Variants in VCAN observed in about 807,000 individuals in gnomAD.
The protein encoded by VCAN is versican core protein.
Under a neutral mutation model 245.5 loss-of-function variants are expected in VCAN, and 44 were observed. That is an observed-to-expected ratio of 0.18 (90% CI 0.14 to 0.23). The LOEUF (loss-of-function observed/expected upper bound fraction) is 0.23. Among genes scored for constraint, VCAN ranks in the 10% least tolerant of loss-of-function variants. The pLI, the probability that VCAN is intolerant of heterozygous loss-of-function variation, is 1.00. For missense variants in VCAN, 3,793 were observed against 4,057.9 expected (o/e 0.93, Z 1.77); for synonymous variants, 1,413 against 1,437.0 (o/e 0.98, Z 0.38).
At chr5:83,507,518 G>A (rs1745518244) in intron 5 of VCAN, among the ~76,000 whole-genome samples, 1 of 152,142 alleles carries the variant, frequency 6.6e-6, no homozygotes, top group African/African-American at 2.4e-5. Flanking sequence ...TACACAGTTG[G>A]GCCAATTAAA....
At chr5:83,574,063 GAA>G (rs1238225795) in intron 13 of VCAN, among the ~76,000 whole-genome samples, 9 of 152,148 alleles carry the variant, frequency 5.9e-5, no homozygotes, top group African/African-American at 2.2e-4. Flanking sequence ...GTAAGTCCTG[GAA>G]TCCAAAGGCT....
At position 83,547,903 on chromosome 5, in the gene VCAN, C is replaced by T. The variant is rs549151633; in HGVS notation, c.9380-68C>T. On this transcript the variant is annotated intron_variant, in intron 9 of 14. Coordinates refer to ENST00000265077, the MANE Select transcript of VCAN (RefSeq NM_004385.5). ...GCTGTCTTGTATGTTATCTTGCAACCTCACACTAAATGGAATTCTTTGATA... is the reference window on the plus strand; with the variant it reads ...GCTGTCTTGTATGTTATCTTGCAACTTCACACTAAATGGAATTCTTTGATA... 4.4e-6 allele frequency: 5 copies of T among 1,137,634 alleles called. No individual in the cohort carries two copies. The African/African-American group carries it at 4.6e-5, about 10-fold the overall frequency. 70.5% of individuals were successfully genotyped at this position (1,137,634 alleles called of 1,614,324 possible).
intron 7 of VCAN, among the ~76,000 whole-genome samples, chr5:83,534,954 A>G (rs185777832): frequency 3.9e-4 from 59 of 152,238 alleles, no homozygotes; most frequent in Admixed American, 2.2e-3. Context: ...CATATACACC[A>G]TGGGTACTAT....
chr5:83,508,199 G>A (rs1745538188), intron 5 of VCAN, among the ~76,000 whole-genome samples: 1 of 152,130 alleles, frequency 6.6e-6, no homozygotes, highest in Non-Finnish European at 1.5e-5. Flanking sequence ...CTCCTGCTTT[G>A]ATTCTGACTG....
At chr5:83,507,172 A>G (rs1580615312) in intron 5 of VCAN, among the ~76,000 whole-genome samples, 3 of 152,226 alleles carry the variant, frequency 2.0e-5, no homozygotes, top group South Asian at 2.1e-4. Flanking sequence ...TACAACTTTG[A>G]TAATTGTCCT....
chr5:83,529,530 T>C (rs1475648333), intron 7 of VCAN, among the ~76,000 whole-genome samples: 1 of 152,080 alleles, frequency 6.6e-6, no homozygotes, highest in Non-Finnish European at 1.5e-5. Context: ...TTCCTGCAAA[T>C]ACTATGCCAT....
chr5:83,548,707 G>A (rs761062079), intron 10 of VCAN, among the ~76,000 whole-genome samples: 2 of 152,114 alleles, frequency 1.3e-5, no homozygotes, highest in African/African-American at 2.4e-5. Context: ...GCATTTCTTG[G>A]TCCATCAATA....
chr5:83,510,682 A>T (rs923321101), intron 5 of VCAN, among the ~76,000 whole-genome samples: 1 of 152,216 alleles, frequency 6.6e-6, no homozygotes, highest in East Asian at 1.9e-4. Flanking sequence ...GCAAACTGTT[A>T]TGTTAGTTAG....
intron 8 of VCAN, among the ~76,000 whole-genome samples, chr5:83,544,430 T>G (rs1202109808): frequency 3.3e-5 from 5 of 152,328 alleles, no homozygotes; most frequent in Admixed American, 1.3e-4. Context: ...GAAGTCTCAG[T>G]TATCTTTTAT....
intron 5 of VCAN, among the ~76,000 whole-genome samples, chr5:83,504,444 A>G (rs1279912324): frequency 1.4e-5 from 2 of 147,882 alleles, no homozygotes; most frequent in Non-Finnish European, 3.0e-5. Context: ...GTTCAGTGGC[A>G]TGATCTCAGC....
chr5:83,555,170 C>A, intron 12 of VCAN, 132 bp downstream of exon 12: 1 of 877,698 alleles, frequency 1.1e-6, no homozygotes, highest in Non-Finnish European at 1.9e-6. Flanking sequence ...CTCAGTGAAA[C>A]AGAGAAGGGT....
chr5:83,505,766 G>A (rs1259596914), intron 5 of VCAN, among the ~76,000 whole-genome samples: 1 of 152,222 alleles, frequency 6.6e-6, no homozygotes, highest in Non-Finnish European at 1.5e-5. Flanking sequence ...CCTAGCAGAG[G>A]TTCTCCATGA....
chr5:83,536,497 CT>C (rs1746711859), intron 7 of VCAN: 1 of 152,498 alleles, frequency 6.6e-6, no homozygotes, highest in African/African-American at 2.4e-5. Context: ...TTCTCATTTT[CT>C]TATTGAATAG....
At chr5:83,530,983 T>A (rs1746498359) in intron 7 of VCAN, among the ~76,000 whole-genome samples, 1 of 152,050 alleles carries the variant, frequency 6.6e-6, no homozygotes, top group Admixed American at 6.6e-5. Context: ...GAAACACACA[T>A]CCATTGACAA....
chr5:83,491,243 C>T (rs535765915), intron 3 of VCAN, among the ~76,000 whole-genome samples: 2 of 152,176 alleles, frequency 1.3e-5, no homozygotes, highest in Middle Eastern at 3.4e-3. Context: ...CCCTTGGAAG[C>T]GTAATATTTT....
At position 83,539,088 on chromosome 5, in the gene VCAN, G is replaced by A; in HGVS notation, c.6085G>A (p.Ala2029Thr). Residue 2029 changes from alanine to threonine, a missense_variant, in exon 8 of 15, where the codon GCT becomes ACT. Ala to Thr is a moderately conservative substitution (Grantham distance 58, BLOSUM62 0). Transcript: ENST00000265077. Reference sequence around the variant, plus strand: ...CTCTGTTGTTCCAGTGCTTCCCAGTGCTGTGCAAAAGTTTTCTGGTACAGC... The same window carrying A: ...CTCTGTTGTTCCAGTGCTTCCCAGTACTGTGCAAAAGTTTTCTGGTACAGC... Reference protein sequence around the residue: ...SSSVVPVLPSAVQKFSGTASS... With the variant: ...SSSVVPVLPSTVQKFSGTASS... The A allele has an allele frequency of 2.5e-6, 4 of 1,613,988 alleles. No individual in the cohort carries two copies. Among genetic ancestry groups the A allele is most frequent in the Non-Finnish European group, 3.4e-6 (4 of 1,179,964 alleles).
intron 5 of VCAN, among the ~76,000 whole-genome samples, chr5:83,494,200 C>T (rs1745084067): frequency 6.6e-6 from 1 of 152,130 alleles, no homozygotes; most frequent in African/African-American, 2.4e-5. Flanking sequence ...GTTTCCAATA[C>T]ACTTTTAGAT....
Position 83,580,641 on chromosome 5 carries a change from G to A in VCAN, c.*207G>A. ...GCAGACAAAATGAAAGAAAATGAGA[G>A]CAGAAAGTAAGCATTTCCAGCCTAT... On this transcript the variant is annotated 3_prime_UTR_variant, in exon 15 of 15. Transcript: ENST00000265077. The A allele has an allele frequency of 2.8e-6, 2 of 705,736 alleles. No homozygotes were observed. The highest frequency in any genetic ancestry group is 4.6e-6 in the Non-Finnish European group (2 of 433,036). 43.7% of individuals were successfully genotyped at this position (705,736 alleles called of 1,614,324 possible).
At chr5:83,545,679 A>G in intron 9 of VCAN, 29 bp downstream of exon 9, 1 of 1,537,832 alleles carries the variant, frequency 6.5e-7, no homozygotes, top group Non-Finnish European at 9.0e-7. Context: ...GAAAAGGTGC[A>G]GTTCTTTCAC....
Sources: gnomAD v4.1 joint callset for allele counts (sites outside exome capture counted in the v4.1 genomes callset) on GRCh38, gnomAD v4.1.1 for gene constraint, MANE v1.5 for transcripts, NCBI Gene and HGNC (gene_info 2026-07-23, HGNC 2026-07-21) for gene names.